The following RSU1 variants were observed in gnomAD, a reference collection of about 807,000 sequenced individuals.
RSU1 encodes Ras suppressor protein 1.
A neutral mutation model predicts 31.1 loss-of-function variants in RSU1; 26 were observed. The ratio of observed to expected loss-of-function variants is 0.84; its 90% CI spans 0.61 to 1.16. The LOEUF is 1.16. Among genes scored for constraint, RSU1 ranks in the 50% most tolerant of loss-of-function variants. RSU1 has a pLI of 0.00. For synonymous variants in RSU1, 164 were observed against 136.3 expected, an observed-to-expected ratio of 1.20 and a Z score of -1.41; for missense variants, 320 against 339.1, an observed-to-expected ratio of 0.94 and a Z score of 0.44.
At chr10:16,786,736 T>C (rs891043191) in intron 2 of RSU1, among the ~76,000 whole-genome samples, 2 of 152,194 alleles carry the variant, frequency 1.3e-5, no homozygotes, top group African/African-American at 4.8e-5. Flanking sequence ...TTTGTAATTC[T>C]CTCCTCTAAC....
intron 2 of RSU1, among the ~76,000 whole-genome samples, chr10:16,791,087 C>T (rs886345525): frequency 6.6e-6 from 1 of 152,134 alleles, no homozygotes; most frequent in Non-Finnish European, 1.5e-5. Context: ...AGTGCAGTGG[C>T]ATGATCTTGG....
At chr10:16,817,245 G>A (rs1588556288) in intron 1 of RSU1, 70 bp downstream of exon 1, 6 of 240,714 alleles carry the variant, frequency 2.5e-5, no homozygotes, top group Non-Finnish European at 3.2e-5. Context: ...GGGATGGAGT[G>A]GGAAGGGTTC....
chr10:16,719,861 T>A (rs1168837662), intron 7 of RSU1, among the ~76,000 whole-genome samples: 1 of 152,210 alleles, frequency 6.6e-6, no homozygotes, highest in African/African-American at 2.4e-5. Flanking sequence ...TAAATGAATA[T>A]CTAACAATTC....
intron 7 of RSU1, among the ~76,000 whole-genome samples, chr10:16,739,037 G>T (rs1836695388): frequency 6.6e-6 from 1 of 152,148 alleles, no homozygotes; most frequent in Non-Finnish European, 1.5e-5. Context: ...CAAAGGACAT[G>T]AACTCATTCT....
chr10:16,790,443 G>C (rs917627262), intron 2 of RSU1, among the ~76,000 whole-genome samples: 9 of 152,166 alleles, frequency 5.9e-5, no homozygotes, highest in East Asian at 1.9e-4. Flanking sequence ...GACACTGAGA[G>C]GTGGATTTAG....
At position 16,646,512 on chromosome 10, in the gene RSU1, C is replaced by A. The variant is rs539331505; in HGVS notation, c.731+48511G>T. 1.8e-3 allele frequency among the ~76,000 whole-genome samples: 274 copies of A among 152,292 alleles called. 2 individuals carry two copies. The highest frequency in any genetic ancestry group is 6.2e-3 in the African/African-American group (256 of 41,560). On this transcript the variant is annotated intron_variant, in intron 8 of 8. Transcript: ENST00000345264. ...TCTCCAGCAGAATCAAACCCTTCCA[C>A]CCTGATGTTCCCATTGGTCCCCGCA...
At chr10:16,726,557 G>A (rs1045418274) in intron 7 of RSU1, among the ~76,000 whole-genome samples, 10 of 152,062 alleles carry the variant, frequency 6.6e-5, no homozygotes, top group Non-Finnish European at 1.2e-4. Context: ...GAGCCACTGC[G>A]CCCGGCCAAG....
intron 4 of RSU1, among the ~76,000 whole-genome samples, chr10:16,761,184 C>A (rs543183212): frequency 6.6e-6 from 1 of 152,318 alleles, no homozygotes; most frequent in South Asian, 2.1e-4. Context: ...CTCAGATGAC[C>A]TGCCAGCCTC....
chr10:16,595,626 T>G (rs1186789906), intron 8 of RSU1, among the ~76,000 whole-genome samples: 1 of 152,164 alleles, frequency 6.6e-6, no homozygotes, highest in Non-Finnish European at 1.5e-5. Context: ...GAGGCCTTTT[T>G]GCTTGTGTAA....
chr10:16,751,548 G>A (rs185513864), intron 7 of RSU1, among the ~76,000 whole-genome samples: 18 of 152,292 alleles, frequency 1.2e-4, no homozygotes, highest in Admixed American at 1.0e-3. Context: ...CTAACGTCCT[G>A]TCATCCAAGG....
chr10:16,593,178 T>TAAAG lies in RSU1; in HGVS notation c.*212_*215dup, dbSNP rs150928349. On this transcript the variant is annotated 3_prime_UTR_variant, in exon 9 of 9. Coordinates refer to ENST00000345264, the MANE Select transcript of RSU1 (RefSeq NM_012425.4). ...CTTTGTTCCCTGCTTTTGGTAATGT[T>TAAAG]AAAGAAACAAATGGAAATGGTTTAA... 39,778 of 845,576 alleles carry TAAAG rather than the reference T, an allele frequency of 0.047. 1,263 individuals are homozygous for TAAAG. The highest frequency in any genetic ancestry group is 0.057 in the Non-Finnish European group (34,416 of 607,970). 52.4% of individuals were successfully genotyped at this position (845,576 alleles called of 1,614,324 possible).
intron 5 of RSU1, among the ~76,000 whole-genome samples, chr10:16,754,269 G>T (rs1837036935): frequency 6.6e-6 from 1 of 152,148 alleles, no homozygotes; most frequent in Non-Finnish European, 1.5e-5. Flanking sequence ...GTTCCCAGAA[G>T]AAATCATTTT....
At chr10:16,789,718 T>C (rs553521975) in intron 2 of RSU1, among the ~76,000 whole-genome samples, 1 of 152,340 alleles carries the variant, frequency 6.6e-6, no homozygotes, top group South Asian at 2.1e-4. Flanking sequence ...TCACACCTGG[T>C]AGATTTTCTG....
chr10:16,726,284 T>C (rs1836392086), intron 7 of RSU1, among the ~76,000 whole-genome samples: 1 of 151,308 alleles, frequency 6.6e-6, no homozygotes, highest in African/African-American at 2.4e-5. Flanking sequence ...TTTTTTTTTT[T>C]TTGAGACAGA....
chr10:16,700,527 T>C (rs775548256), intron 7 of RSU1, among the ~76,000 whole-genome samples: 4 of 152,208 alleles, frequency 2.6e-5, no homozygotes, highest in Admixed American at 2.0e-4. Context: ...AAATAAAAGC[T>C]ACATTTAGGG....
At chr10:16,731,065 T>G (rs1836502512) in intron 7 of RSU1, among the ~76,000 whole-genome samples, 1 of 152,110 alleles carries the variant, frequency 6.6e-6, no homozygotes, top group African/African-American at 2.4e-5. Flanking sequence ...GCACCTGCCT[T>G]AGACTCCCAA....
chr10:16,678,638 A>G (rs904213788), intron 8 of RSU1, among the ~76,000 whole-genome samples: 2 of 152,204 alleles, frequency 1.3e-5, no homozygotes, highest in East Asian at 1.9e-4. Context: ...AAAACTTCCT[A>G]CTGGGGAGTA....
At chr10:16,721,777 G>C (rs905923882) in intron 7 of RSU1, 4 of 152,092 alleles carry the variant, frequency 2.6e-5, no homozygotes, top group African/African-American at 9.7e-5. Flanking sequence ...ATTGCCATTA[G>C]AATCCCAGAT....
At chr10:16,706,988 G>A (rs59817155) in intron 7 of RSU1, among the ~76,000 whole-genome samples, 17,542 of 152,034 alleles carry the variant, frequency 0.12, 3,133 homozygotes, top group African/African-American at 0.38. Flanking sequence ...CATATGAGTG[G>A]GATCATGTGT....
Sources: gnomAD v4.1 joint callset for allele counts (sites outside exome capture counted in the v4.1 genomes callset) on GRCh38, gnomAD v4.1.1 for gene constraint, MANE v1.5 for transcripts, NCBI Gene and HGNC (gene_info 2026-07-23, HGNC 2026-07-21) for gene names.